KIF13B: variants seen among roughly 807,000 people sequenced by gnomAD.
The protein encoded by KIF13B is kinesin family member 13B.
Under a neutral mutation model 222.0 loss-of-function variants are expected in KIF13B, and 127 were observed. The ratio of observed to expected loss-of-function variants is 0.57; its 90% confidence interval spans 0.50 to 0.66. The LOEUF is 0.66. Among genes scored for constraint, KIF13B ranks in the 30% least tolerant of loss-of-function variants. The probability of loss-of-function intolerance (pLI) is 0.00; values close to 1 mark genes in which losing one functional copy is unlikely to be tolerated. For synonymous variants in KIF13B, 976 were observed against 919.0 expected, an observed-to-expected ratio of 1.06 and a Z score of -1.12; for missense variants, 2,173 against 2,379.0, an observed-to-expected ratio of 0.91 and a Z score of 1.80.
At chr8:29,119,387 G>C (rs979900225) in intron 29 of KIF13B, among the ~76,000 whole-genome samples, 1 of 152,266 alleles carries the variant, frequency 6.6e-6, no homozygotes, top group East Asian at 1.9e-4. Context: ...TCACCAGAAG[G>C]TTCCACTGGC....
chr8:29,229,088 T>TAAAAAAA (rs370080449), intron 2 of KIF13B, among the ~76,000 whole-genome samples: 1 of 94,686 alleles, frequency 1.1e-5, no homozygotes, highest in Non-Finnish European at 2.0e-5. Context: ...ATGTCAGCTT[T>TAAAAAAA]AAAAAAAAAA....
intron 4 of KIF13B, 130 bp from the exon 5 acceptor site, chr8:29,188,737 G>C: frequency 1.6e-6 from 1 of 635,846 alleles, no homozygotes; most frequent in South Asian, 2.0e-5. Flanking sequence ...TTTTAAATTT[G>C]ACGAATGCTC....
chr8:29,166,049 C>T (rs1160353093), intron 11 of KIF13B, among the ~76,000 whole-genome samples: 1 of 151,990 alleles, frequency 6.6e-6, no homozygotes, highest in African/African-American at 2.4e-5. Flanking sequence ...AAATGTAAAG[C>T]TTCTAAGGGT....
At chr8:29,097,489 G>T (rs1808587552) in intron 36 of KIF13B, among the ~76,000 whole-genome samples, 1 of 152,110 alleles carries the variant, frequency 6.6e-6, no homozygotes. Flanking sequence ...AAACCACAGT[G>T]ACCTAATTAG....
At chr8:29,243,803 T>C (rs953228473) in intron 2 of KIF13B, among the ~76,000 whole-genome samples, 1 of 152,242 alleles carries the variant, frequency 6.6e-6, no homozygotes, top group East Asian at 1.9e-4. Flanking sequence ...AAGCTATACA[T>C]TTTGCTGTAT....
intron 37 of KIF13B, among the ~76,000 whole-genome samples, chr8:29,077,264 C>T (rs1807607209): frequency 6.6e-6 from 1 of 152,328 alleles, no homozygotes; most frequent in African/African-American, 2.4e-5. Context: ...CAGCACTCAG[C>T]TCCTTCTGTC....
intron 13 of KIF13B, among the ~76,000 whole-genome samples, chr8:29,156,473 C>T (rs966931815): frequency 2.6e-5 from 4 of 151,990 alleles, no homozygotes; most frequent in African/African-American, 9.7e-5. Context: ...TTTTTTTCCC[C>T]ACCTCCACAA....
intron 1 of KIF13B, among the ~76,000 whole-genome samples, chr8:29,254,757 T>C (rs1478111545): frequency 6.6e-6 from 1 of 152,248 alleles, no homozygotes; most frequent in East Asian, 1.9e-4. Context: ...AGTTAGTTAC[T>C]ATATGACTCA....
At chr8:29,090,812 C>T (rs1442541840) in intron 37 of KIF13B, among the ~76,000 whole-genome samples, 2 of 152,190 alleles carry the variant, frequency 1.3e-5, no homozygotes, top group South Asian at 2.1e-4. Context: ...CGCGTTCAAG[C>T]GATTCTCATG....
chr8:29,086,373 C>T (rs547483875), intron 37 of KIF13B, among the ~76,000 whole-genome samples: 1 of 152,262 alleles, frequency 6.6e-6, no homozygotes, highest in Non-Finnish European at 1.5e-5. Flanking sequence ...AGACCTGTCT[C>T]AACCAGGCAT....
In KIF13B at chr8:29,177,415, A is replaced by C. The variant is rs1470237830; in HGVS notation, c.833+51T>G. 2.6e-6 allele frequency: 3 copies of C among 1,173,904 alleles called. No homozygotes were observed. The African/African-American group carries it at 4.5e-5, about 18-fold the overall frequency. The allele number at this position is 1,173,904 out of a possible 1,614,324, so 72.7% of individuals were successfully genotyped here. A position where few individuals can be genotyped will look rare whatever the true frequency, so the allele number is the denominator to read the frequency against. The stretch of plus-strand genomic sequence containing the variant: ...TTTTAATAACCACAGATGTTCCCCT[A>C]TTGGCTATTAAATAAATAAAGCAAT... On this transcript the variant is annotated intron_variant, in intron 9 of 39. Transcript: ENST00000524189.
intron 2 of KIF13B, among the ~76,000 whole-genome samples, chr8:29,206,474 C>G (rs1290631589): frequency 6.7e-6 from 1 of 149,324 alleles, no homozygotes; most frequent in Non-Finnish European, 1.5e-5. Flanking sequence ...CCTTAACTTC[C>G]TTGAGTGAAA....
At chr8:29,095,391 T>C (rs1270726401) in intron 36 of KIF13B, among the ~76,000 whole-genome samples, 5 of 152,196 alleles carry the variant, frequency 3.3e-5, no homozygotes, top group Non-Finnish European at 7.3e-5. Context: ...GAAAATATTC[T>C]TAAAACAACA....
chr8:29,256,808 G>A (rs1733232409), intron 1 of KIF13B, among the ~76,000 whole-genome samples: 1 of 152,206 alleles, frequency 6.6e-6, no homozygotes, highest in Admixed American at 6.5e-5. Flanking sequence ...AGGCTAGAGT[G>A]CAGTGGTGCG....
At chr8:29,175,772 T>A (rs1812450562) in intron 10 of KIF13B, among the ~76,000 whole-genome samples, 1 of 152,168 alleles carries the variant, frequency 6.6e-6, no homozygotes, top group Non-Finnish European at 1.5e-5. Flanking sequence ...CACACAGTGG[T>A]CAGATTAGCA....
chr8:29,156,322 G>C (rs1811523796), intron 13 of KIF13B, among the ~76,000 whole-genome samples: 1 of 152,114 alleles, frequency 6.6e-6, no homozygotes, highest in South Asian at 2.1e-4. Flanking sequence ...AACAAAAACA[G>C]GAAGGGAGCG....
intron 12 of KIF13B, among the ~76,000 whole-genome samples, chr8:29,161,700 C>CT (rs939369925): frequency 1.9e-3 from 20 of 10,622 alleles, no homozygotes; most frequent in African/African-American, 3.9e-3. Flanking sequence ...CATCTCAAAA[C>CT]CCCCCCCCAA....
At chr8:29,126,690 C>T (rs530722213) in intron 25 of KIF13B, among the ~76,000 whole-genome samples, 179 bp from the exon 26 acceptor site, 1 of 152,298 alleles carries the variant, frequency 6.6e-6, no homozygotes, top group Non-Finnish European at 1.5e-5. Context: ...GAAGTTGGAG[C>T]CGCTCACAGA....
At chr8:29,143,079 C>T (rs569858141) in intron 18 of KIF13B, among the ~76,000 whole-genome samples, 1 of 152,188 alleles carries the variant, frequency 6.6e-6, no homozygotes, top group South Asian at 2.1e-4. Context: ...GTTTGGAACT[C>T]CTGGCCTCAA....
Sources: gnomAD v4.1 joint callset for allele counts (sites outside exome capture counted in the v4.1 genomes callset) on GRCh38, gnomAD v4.1.1 for gene constraint, MANE v1.5 for transcripts, NCBI Gene and HGNC (gene_info 2026-07-23, HGNC 2026-07-21) for gene names.